NAV3: variants seen among roughly 807,000 people sequenced by gnomAD.
The protein encoded by NAV3 is neuron navigator 3, also known as pore membrane and/or filament interacting like protein 1.
NAV3 carries 87 observed loss-of-function variants against 244.7 expected under a neutral mutation model. The observed-to-expected ratio is 0.36, with a 90% confidence interval of 0.30 to 0.42. NAV3 has a LOEUF of 0.42. NAV3 is among the 20% of genes least tolerant of loss of function. The pLI is 1.00. For synonymous variants in NAV3, 1,126 were observed against 1,042.2 expected (o/e 1.08, Z -1.55); for missense variants, 2,663 against 2,893.3 (o/e 0.92, Z 1.83).
At chr12:77,647,656 G>T (rs1872661339) in intron 2 of NAV3, among the ~76,000 whole-genome samples, 1 of 151,984 alleles carries the variant, frequency 6.6e-6, no homozygotes, top group Admixed American at 6.6e-5. Context: ...ATAAAATAAA[G>T]TGATTTATTA....
rs1300309756 is a variant in NAV3, at chr12:78,211,165, CT to C, written c.*649del. On this transcript the variant is annotated 3_prime_UTR_variant, in exon 40 of 40. Transcript: ENST00000397909. ...CACCAACTTTTTAGTATATGAGTCA[CT>C]GGTTTTATAAGGTTGTTTTTACCAC... The C allele has an allele frequency of 6.6e-6, 1 of 152,652 alleles. No homozygotes were observed. Among genetic ancestry groups the C allele is most frequent in the Non-Finnish European group, 1.5e-5 (1 of 68,066 alleles). The allele number at this position is 152,652 out of a possible 1,614,324, so 9.5% of individuals were successfully genotyped here. A position where few individuals can be genotyped will look rare whatever the true frequency, so the allele number is the denominator to read the frequency against.
chr12:77,697,151 C>T (rs1875343256), intron 2 of NAV3, among the ~76,000 whole-genome samples: 1 of 152,154 alleles, frequency 6.6e-6, no homozygotes, highest in African/African-American at 2.4e-5. Flanking sequence ...CTAACTCCTT[C>T]AGCCCTGTTA....
At chr12:77,714,092 A>G (rs560753577) in intron 2 of NAV3, among the ~76,000 whole-genome samples, 2 of 152,210 alleles carry the variant, frequency 1.3e-5, no homozygotes, top group African/African-American at 4.8e-5. Flanking sequence ...CCTAGAGGGC[A>G]TGACTTGTGA....
In NAV3 at chr12:78,148,826, T is replaced by TG. The variant is rs201400573; in HGVS notation, c.4708-16_4708-15insG. The TG allele has an allele frequency of 6.8e-6, 11 of 1,608,190 alleles. No homozygotes were observed. The Admixed American group carries it at 1.9e-4, about 27-fold the overall frequency. On this transcript the variant is annotated splice_polypyrimidine_tract_variant and intron_variant, in intron 21 of 39. Coordinates refer to ENST00000397909, the MANE Select transcript of NAV3 (RefSeq NM_001024383.2). ...ATCTACTTGCCTATTCCATTGATTT[T>TG]TTTAATTGCATTCAGCAAATCCATA... is the stretch of plus-strand genomic sequence containing the variant.
chr12:78,128,606 G>A (rs992318627), intron 17 of NAV3, 100 bp from the exon 18 acceptor site: 9 of 1,191,628 alleles, frequency 7.6e-6, no homozygotes, highest in East Asian at 4.9e-5. Context: ...GTTTGAAATT[G>A]TTCATTCTGA....
At chr12:77,723,955 A>G (rs764043367) in intron 2 of NAV3, among the ~76,000 whole-genome samples, 2 of 151,704 alleles carry the variant, frequency 1.3e-5, no homozygotes, top group African/African-American at 2.4e-5. Context: ...TCTTGAAAAT[A>G]TGAAAGTACA....
At chr12:78,031,636 C>A (rs918807569) in intron 9 of NAV3, among the ~76,000 whole-genome samples, 1 of 148,836 alleles carries the variant, frequency 6.7e-6, no homozygotes, top group Non-Finnish European at 1.5e-5. Context: ...ATTGCAAGAA[C>A]AAAAAACCAA....
intron 27 of NAV3, 26 bp from the exon 28 acceptor site, chr12:78,177,594 A>G (rs745542176): frequency 1.9e-6 from 3 of 1,588,862 alleles, no homozygotes; most frequent in African/African-American, 2.7e-5. Flanking sequence ...TTGTCCATGT[A>G]TCTGTCTAAC....
At chr12:78,205,200 T>C in intron 39 of NAV3, 62 bp downstream of exon 39, 1 of 1,495,222 alleles carries the variant, frequency 6.7e-7, no homozygotes, top group Non-Finnish European at 9.2e-7. Context: ...GTCATTAATA[T>C]TTAGTTATTT....
At chr12:78,006,358 T>G (rs1874214758) in intron 7 of NAV3, 61 bp from the exon 8 acceptor site, 4 of 1,471,298 alleles carry the variant, frequency 2.7e-6, no homozygotes, top group Non-Finnish European at 3.7e-6. Context: ...TTCTCAATTA[T>G]GTAATATAAA....
intron 12 of NAV3, among the ~76,000 whole-genome samples, chr12:78,073,485 C>T (rs300426): frequency 7.2e-5 from 11 of 152,108 alleles, no homozygotes; most frequent in South Asian, 2.1e-4. Flanking sequence ...TAACAAGGGA[C>T]GTGAAGGACC....
At position 78,181,141 on chromosome 12, in the gene NAV3, T is replaced by C. The variant is rs964892049; in HGVS notation, c.5692+96T>C. 2.7e-6 allele frequency: 3 copies of C among 1,094,918 alleles called. No homozygotes were observed. In the African/African-American group the frequency reaches 4.7e-5, roughly 17 times the overall value. 67.8% of individuals were successfully genotyped at this position (1,094,918 alleles called of 1,614,324 possible). On this transcript the variant is annotated intron_variant, in intron 30 of 39. Transcript: ENST00000397909. Reference sequence around the variant, plus strand: ...GGAGAACTTTACGTACTCTTAAAAATGTTACACTCTAATTCTCAGAAATAG... The same window carrying C: ...GGAGAACTTTACGTACTCTTAAAAACGTTACACTCTAATTCTCAGAAATAG...
chr12:77,816,671 CA>C, intron 2 of NAV3, among the ~76,000 whole-genome samples: 1 of 152,146 alleles, frequency 6.6e-6, no homozygotes, highest in Admixed American at 6.5e-5. Flanking sequence ...CTTATGGATT[CA>C]ATGTGTTGTG....
intron 8 of NAV3, among the ~76,000 whole-genome samples, chr12:78,017,169 C>T (rs1317076519): frequency 6.6e-6 from 1 of 152,052 alleles, no homozygotes; most frequent in Admixed American, 6.6e-5. Context: ...GTGATAGGCT[C>T]TAGGAAAATA....
At chr12:77,871,436 C>T (rs192913628) in intron 1 of NAV3, among the ~76,000 whole-genome samples, 1 of 152,270 alleles carries the variant, frequency 6.6e-6, no homozygotes, top group Non-Finnish European at 1.5e-5. Flanking sequence ...TATCCCTCCC[C>T]TAATCCCCAT....
intron 2 of NAV3, among the ~76,000 whole-genome samples, chr12:77,746,052 A>G (rs188532640): frequency 2.0e-3 from 301 of 151,346 alleles, no homozygotes; most frequent in African/African-American, 7.0e-3. Context: ...TGGTAACCTG[A>G]TGCACAGTCA....
chr12:78,190,456 A>G lies in NAV3; in HGVS notation c.6291+237A>G, dbSNP rs73149608. 9.0e-3 allele frequency among the ~76,000 whole-genome samples: 1,370 copies of G among 152,182 alleles called. 10 individuals are homozygous for G. The highest frequency in any genetic ancestry group is 0.016 in the Non-Finnish European group (1,080 of 67,978). ...CCCTAAGATATTGGGAATATACAGA[A>G]TAATATGACAGGTCTCCTATGGCAT... On this transcript the variant is annotated intron_variant, in intron 34 of 39. Transcript: ENST00000397909.
At chr12:77,959,271 C>T (rs1271551996) in intron 3 of NAV3, among the ~76,000 whole-genome samples, 3 of 151,972 alleles carry the variant, frequency 2.0e-5, no homozygotes, top group African/African-American at 7.3e-5. Context: ...GTAAATTGGG[C>T]TCTATGGGTT....
rs148217344 is a variant in NAV3 at position 78,101,969 on chromosome 12, A to G, written c.2637-14803A>G. Among the ~76,000 whole-genome samples, 110 of 152,318 alleles carry G rather than the reference A, an allele frequency of 7.2e-4. No individual in the cohort carries two copies. The East Asian group carries it at 0.02, about 28-fold the overall frequency. ...CTTGGTATTATTTAAATTACCATAA[A>G]AATGTGCGAAAAAGTTATACTGAAA... On this transcript the variant is annotated intron_variant, in intron 12 of 39. Transcript: ENST00000397909.
Sources: allele counts gnomAD v4.1 joint callset (sites outside exome capture counted in the v4.1 genomes callset), GRCh38; gene constraint gnomAD v4.1.1; transcripts MANE v1.5; gene names NCBI Gene and HGNC (gene_info 2026-07-23, HGNC 2026-07-21).